Variants in P2RX4 observed in about 807,000 individuals in gnomAD.
The protein encoded by P2RX4 is P2X purinoceptor 4.
Under a neutral mutation model 48.0 loss-of-function variants are expected in P2RX4, and 37 were observed. The ratio of observed to expected loss-of-function variants is 0.77; its 90% CI spans 0.59 to 1.01. The LOEUF (loss-of-function observed/expected upper bound fraction) is 1.01. Among genes scored for constraint, P2RX4 ranks in the 50% least tolerant of loss-of-function variants. P2RX4 has a pLI of 0.00. For missense variants in P2RX4, 501 were observed against 521.4 expected (o/e 0.96, Z 0.38); for synonymous variants, 200 against 199.7 (o/e 1.00, Z -0.01).
chr12:121,232,725 G>C lies in P2RX4; in HGVS notation c.1044+49G>C. On this transcript the variant is annotated intron_variant, in intron 10 of 11. Coordinates refer to ENST00000337233, the MANE Select transcript of P2RX4 (RefSeq NM_002560.3). The surrounding 1 kb of genome is among the most constrained non-coding windows in gnomAD (Gnocchi z 4.3). Reference sequence around the variant, plus strand: ...CACCCTCACGGTGAGGTGAGACCCTGGGCTGGGGTCCTGGTCCTGGCCCTA... The same window carrying C: ...CACCCTCACGGTGAGGTGAGACCCTCGGCTGGGGTCCTGGTCCTGGCCCTA... 6.7e-7 allele frequency: 1 copy of C among 1,489,906 alleles called. No individual in the cohort carries two copies. Among genetic ancestry groups the C allele is most frequent in the Non-Finnish European group, 9.4e-7 (1 of 1,067,576 alleles). 92.3% of individuals were successfully genotyped at this position (1,489,906 alleles called of 1,614,324 possible).
chr12:121,212,778 A>C (rs1312569125), intron 1 of P2RX4: 4 of 134,654 alleles, frequency 3.0e-5, no homozygotes, highest in Non-Finnish European at 6.3e-5. Context: ...AACAAGAGCA[A>C]AACTCCATCT....
rs772809953 is a variant in P2RX4 at position 121,210,160 on chromosome 12, C to T, written c.-5C>T. ...ACTAGGGGACTGGGAGCGGGCGGCG[C>T]GGCCATGGCGGGCTGCTGCGCCGCG... On this transcript the variant is annotated 5_prime_UTR_variant, in exon 1 of 12. Coordinates refer to ENST00000337233, the MANE Select transcript of P2RX4 (RefSeq NM_002560.3). The T allele has an allele frequency of 1.3e-6, 2 of 1,521,810 alleles. No individual in the cohort carries two copies. The highest frequency in any genetic ancestry group is 2.1e-5 in the Admixed American group (1 of 46,986). 94.3% of individuals were successfully genotyped at this position (1,521,810 alleles called of 1,614,324 possible).
rs1178066693 is a variant in P2RX4 at position 121,228,367 on chromosome 12, C to CAAA, written c.525-149_525-147dup. Among the ~76,000 whole-genome samples, 43 of 81,016 alleles carry CAAA rather than the reference C, an allele frequency of 5.3e-4. 1 individual carries two copies. In the South Asian group the frequency reaches 0.01, roughly 19 times the overall value. 53.1% of individuals were successfully genotyped at this position (81,016 alleles called of 152,430 possible). A position where few individuals can be genotyped will look rare whatever the true frequency, so the allele number is the denominator to read the frequency against. Reference sequence around the variant, plus strand: ...TCGAGGTGACAGAGTGACTCCATCTCAAAAAAAAAAAAAAAAAAATATATA... The same window carrying CAAA: ...TCGAGGTGACAGAGTGACTCCATCTCAAAAAAAAAAAAAAAAAAAAAATATATA... On this transcript the variant is annotated intron_variant, in intron 5 of 11. Coordinates refer to ENST00000337233, the MANE Select transcript of P2RX4 (RefSeq NM_002560.3).
intron 8 of P2RX4, among the ~76,000 whole-genome samples, chr12:121,231,428 A>C (rs1159041300): frequency 6.6e-6 from 1 of 152,240 alleles, no homozygotes; most frequent in African/African-American, 2.4e-5. Flanking sequence ...CATTTCCGTC[A>C]TCTCAAAAAG....
intron 1 of P2RX4, chr12:121,216,852 A>G: frequency 1.5e-6 from 1 of 660,512 alleles, no homozygotes. Context: ...GCTCAAATGT[A>G]ATAAAGACAG....
rs961291044 is a variant in P2RX4 at position 121,210,838 on chromosome 12, C to G, written c.134+540C>G. Among the ~76,000 whole-genome samples, 196 of 152,344 alleles carry G rather than the reference C, an allele frequency of 1.3e-3. 2 individuals carry two copies. Among genetic ancestry groups the G allele is most frequent in the African/African-American group, 4.3e-3 (178 of 41,588 alleles). ...TGTTACCCTCTCCTGCCTGACCCCCCATAGTGCCCCTTGGCTGTAGGGGCT... is the reference window on the plus strand; with the variant it reads ...TGTTACCCTCTCCTGCCTGACCCCCGATAGTGCCCCTTGGCTGTAGGGGCT... On this transcript the variant is annotated intron_variant, in intron 1 of 11. Transcript: ENST00000337233.
At chr12:121,212,489 ATTTT>A (rs541747738) in intron 1 of P2RX4, among the ~76,000 whole-genome samples, 2 of 135,318 alleles carry the variant, frequency 1.5e-5, no homozygotes, top group Non-Finnish European at 1.6e-5. Context: ...AAAAAAAAGA[ATTTT>A]TTTTTTTTTT....
At chr12:121,225,846 A>G (rs559192698) in intron 5 of P2RX4, among the ~76,000 whole-genome samples, 2 of 152,276 alleles carry the variant, frequency 1.3e-5, no homozygotes, top group Admixed American at 1.3e-4. Context: ...GGCTATTAGG[A>G]AACTTTAAGT....
Position 121,223,004 on chromosome 12 carries a change from C to T in P2RX4, c.485C>T (p.Ala162Val), listed in dbSNP as rs767479436. 5.6e-6 allele frequency: 9 copies of T among 1,613,130 alleles called. No homozygotes were observed. In the South Asian group the frequency reaches 6.6e-5, roughly 12 times the overall value. The change falls in exon 5 of 12, where the codon GCG (alanine) becomes GTG (valine). Residue 162 changes from alanine to valine, a missense_variant. Coordinates refer to ENST00000337233, the MANE Select transcript of P2RX4 (RefSeq NM_002560.3). ...GGGTCTGTCAAGACGTGTGAGGTGG[C>T]GGCCTGGTGCCCGGTGGAGGATGAC... ...FNGSVKTCEV[A>V]AWCPVEDDTH... is the part of the protein sequence containing the mutation.
chr12:121,228,730 A>C lies in P2RX4; in HGVS notation c.611A>C (p.Asn204Thr). Residue 204 changes from asparagine to threonine, a missense_variant, in exon 7 of 12, where the codon AAT (asparagine) becomes ACT (threonine). By Grantham distance (65) the Asn-to-Thr change is moderately conservative. This residue lies in a region of P2RX4 where 295 missense variants were observed against 275.3 expected (regional missense o/e 1.07). Transcript: ENST00000337233. ...CTGCTTCCTCTCGACTTTAGGAGGA[A>C]TATCCTTCCCAACATCACCACTACT... ...WYPKFNFSKR[N>T]ILPNITTTYL... The C allele has an allele frequency of 6.2e-7, 1 of 1,614,058 alleles. No homozygotes were observed. Among genetic ancestry groups the C allele is most frequent in the Non-Finnish European group, 8.5e-7 (1 of 1,180,026 alleles).
Position 121,232,766 on chromosome 12 carries a change from A to C in P2RX4, c.1044+90A>C, listed in dbSNP as rs1372940933. 1.7e-6 allele frequency: 2 copies of C among 1,143,564 alleles called. No individual in the cohort carries two copies. The highest frequency in any genetic ancestry group is 4.7e-5 in the East Asian group (2 of 42,718). The allele number at this position is 1,143,564 out of a possible 1,614,324, so 70.8% of individuals were successfully genotyped here. On this transcript the variant is annotated intron_variant, in intron 10 of 11. Transcript: ENST00000337233. The surrounding 1 kb of genome is among the most constrained non-coding windows in gnomAD (Gnocchi z 4.3). ...CCTGGCCCTAGGCCCTAGACCTCAGATGTGTTTCTAAACTTGACCCTCCTA... is the reference window on the plus strand; with the variant it reads ...CCTGGCCCTAGGCCCTAGACCTCAGCTGTGTTTCTAAACTTGACCCTCCTA...
intron 1 of P2RX4, among the ~76,000 whole-genome samples, chr12:121,212,103 C>A (rs1438174439): frequency 6.6e-6 from 1 of 152,226 alleles, no homozygotes. Flanking sequence ...GAAGACTCAT[C>A]TGAGGAATTG....
At chr12:121,222,061 C>T (rs377014031) in intron 3 of P2RX4, 33 bp from the exon 4 acceptor site, 179 of 1,604,124 alleles carry the variant, frequency 1.1e-4, no homozygotes, top group Middle Eastern at 1.6e-4. Context: ...GGCCGGGCCA[C>T]GTGGACTTTC....
Position 121,232,239 on chromosome 12 carries a change from G to A in P2RX4, c.885-175G>A, listed in dbSNP as rs894498984. 5.8e-4 allele frequency: 354 copies of A among 608,928 alleles called. 1 individual carries two copies. The highest frequency in any genetic ancestry group is 8.6e-4 in the Middle Eastern group (2 of 2,334). The allele number at this position is 608,928 out of a possible 1,614,324, so 37.7% of individuals were successfully genotyped here. A position where few individuals can be genotyped will look rare whatever the true frequency, so the allele number is the denominator to read the frequency against. ...TGTGCCCCTGTACCTCGTGGGCCCC[G>A]CATCCTCCTGCTTGCACAGCCCGCC... On this transcript the variant is annotated intron_variant, in intron 8 of 11. Transcript: ENST00000337233. The surrounding 1 kb of genome is among the most constrained non-coding windows in gnomAD (Gnocchi z 4.3).
intron 5 of P2RX4, 98 bp from the exon 6 acceptor site, chr12:121,228,434 AC>A: frequency 1.7e-6 from 1 of 592,152 alleles, no homozygotes; most frequent in Non-Finnish European, 2.9e-6. Flanking sequence ...ACACACACAC[AC>A]AATACATATA....
chr12:121,222,195 C>T lies in P2RX4; in HGVS notation c.427+29C>T, dbSNP rs762576771. ...CGAGCTTGTGGCCTCCTGGGGAGGGCGGCCCCTGAGCAGATCGCCCCCACT... is the reference window on the plus strand; with the variant it reads ...CGAGCTTGTGGCCTCCTGGGGAGGGTGGCCCCTGAGCAGATCGCCCCCACT... On this transcript the variant is annotated intron_variant, in intron 4 of 11. Coordinates refer to ENST00000337233, the MANE Select transcript of P2RX4 (RefSeq NM_002560.3). 57 of 1,521,738 alleles carry T rather than the reference C, an allele frequency of 3.7e-5. No homozygotes were observed. In the African/African-American group the frequency reaches 6.7e-4, roughly 18 times the overall value. The allele number at this position is 1,521,738 out of a possible 1,614,324, so 94.3% of individuals were successfully genotyped here.
At chr12:121,223,126 T>A in intron 5 of P2RX4, 83 bp downstream of exon 5, 1 of 860,370 alleles carries the variant, frequency 1.2e-6, no homozygotes, top group Non-Finnish European at 1.9e-6. Context: ...CAGGTTGGAG[T>A]GCAGTGGTGC....
chr12:121,210,396 G>C (rs1396092163), intron 1 of P2RX4, 98 bp downstream of exon 1: 142 of 1,223,300 alleles, frequency 1.2e-4, no homozygotes, highest in Non-Finnish European at 1.0e-6. Flanking sequence ...GCGAGTCCGG[G>C]AGCGGCGAGC....
At position 121,229,735 on chromosome 12, in the gene P2RX4, GGA is replaced by G. The variant is rs1887220948; in HGVS notation, c.884+642_884+643del. ...GGGCTGTGCTCGCTCTGAAGGCTCT[GGA>G]GAGAGTCCTTACTTGTCTCTCCTGG... On this transcript the variant is annotated intron_variant, in intron 8 of 11. Coordinates refer to ENST00000337233, the MANE Select transcript of P2RX4 (RefSeq NM_002560.3). This position sits in a 1 kb window ranked among gnomAD's most constrained non-coding sequence, Gnocchi z 4.6. 3.3e-5 allele frequency among the ~76,000 whole-genome samples: 5 copies of G among 152,144 alleles called. No individual in the cohort carries two copies. The highest frequency in any genetic ancestry group is 2.6e-4 in the Admixed American group (4 of 15,264).
Sources: allele counts gnomAD v4.1 joint callset (sites outside exome capture counted in the v4.1 genomes callset), GRCh38; gene constraint gnomAD v4.1.1; regional missense constraint gnomAD v4.1.1; non-coding constraint Gnocchi (gnomAD v3.1); transcripts MANE v1.5; gene names NCBI Gene and HGNC (gene_info 2026-07-23, HGNC 2026-07-21).